Variants in BRWD3 observed in about 807,000 individuals in gnomAD.
BRWD3 encodes the protein bromodomain and WD repeat domain containing 3.
A neutral mutation model predicts 149.7 loss-of-function variants in BRWD3; 10 were observed. The ratio of observed to expected loss-of-function variants is 0.07; its 90% CI spans 0.04 to 0.11. BRWD3 has a LOEUF of 0.11. BRWD3 is among the 10% of genes least tolerant of loss of function. The pLI is 1.00. For synonymous variants in BRWD3, 504 were observed against 456.7 expected, an observed-to-expected ratio of 1.10 and a Z score of -1.32; for missense variants, 940 against 1,373.2, an observed-to-expected ratio of 0.68 and a Z score of 4.99.
intron 20 of BRWD3, among the ~76,000 whole-genome samples, chrX:80,711,686 C>G (rs1450971726): frequency 8.9e-6 from 1 of 112,244 alleles, no homozygotes; most frequent in Non-Finnish European, 1.9e-5. Flanking sequence ...AATTCCTTAT[C>G]TAAACCCAGA....
intron 6 of BRWD3, among the ~76,000 whole-genome samples, chrX:80,753,910 T>C (rs1016064027): frequency 8.9e-6 from 1 of 111,842 alleles, no homozygotes; most frequent in African/African-American, 3.2e-5. Flanking sequence ...TACAATGCTG[T>C]TTTGGTTACT....
At chrX:80,738,800 A>G (rs1391512072) in intron 8 of BRWD3, among the ~76,000 whole-genome samples, 1 of 111,932 alleles carries the variant, frequency 8.9e-6, no homozygotes, top group African/African-American at 3.3e-5. Context: ...AAAGGCAGCC[A>G]TGTACCTAGA....
At chrX:80,706,739 T>C (rs1354369598) in intron 22 of BRWD3, among the ~76,000 whole-genome samples, 1 of 112,639 alleles carries the variant, frequency 8.9e-6, no homozygotes, top group Non-Finnish European at 1.9e-5. Flanking sequence ...CAATAAAAAG[T>C]ATAGCATAAA....
At position 80,677,215 on chromosome X, in the gene BRWD3, T is replaced by G; in HGVS notation, c.4803A>C (p.Leu1601Phe). 1 of 1,210,356 alleles carries G rather than the reference T, an allele frequency of 8.3e-7. No homozygotes were observed. The highest frequency in any genetic ancestry group is 2.3e-4 in the Middle Eastern group (1 of 4,348). Reference sequence around the variant, plus strand: ...CTAACTCTCCACTCTCTGAGGTGGATAAATGAGATTTCTCTTTTGTTTCTT... The same window carrying G: ...CTAACTCTCCACTCTCTGAGGTGGAGAAATGAGATTTCTCTTTTGTTTCTT... ...EKKETKEKSH[L>F]STSESGELGS... The change falls in exon 41 of 41, where the codon TTA (leucine) becomes TTC (phenylalanine). Residue 1601 changes from leucine to phenylalanine, a missense_variant. This residue lies in a region of BRWD3 where 349 missense variants were observed against 419.6 expected (regional missense o/e 0.83). Coordinates refer to ENST00000373275, the MANE Select transcript of BRWD3 (RefSeq NM_153252.5).
intron 21 of BRWD3, among the ~76,000 whole-genome samples, chrX:80,708,117 C>T (rs2072895542): frequency 8.9e-6 from 1 of 112,250 alleles, no homozygotes; most frequent in African/African-American, 3.2e-5. Flanking sequence ...AGCATCAGGT[C>T]AGGTGCAGTG....
intron 6 of BRWD3, among the ~76,000 whole-genome samples, chrX:80,781,954 G>A (rs958183096): frequency 2.7e-5 from 3 of 111,523 alleles, no homozygotes; most frequent in Non-Finnish European, 3.8e-5. Context: ...CAGATTCAAC[G>A]CAATCCCGAT....
At chrX:80,744,000 A>G in intron 8 of BRWD3, 32 bp downstream of exon 8, 1 of 1,110,490 alleles carries the variant, frequency 9.0e-7, no homozygotes, top group South Asian at 1.8e-5. Context: ...TTTTTTACAT[A>G]TGTTCAAGCT....
At chrX:80,747,203 G>A (rs1015371453) in intron 6 of BRWD3, among the ~76,000 whole-genome samples, 1 of 109,270 alleles carries the variant, frequency 9.2e-6, no homozygotes, top group Non-Finnish European at 1.9e-5. Context: ...ACTTCTGCTT[G>A]GCTTTTGTCT....
chrX:80,686,698 C>T (rs1327113957), intron 35 of BRWD3, among the ~76,000 whole-genome samples, 165 bp downstream of exon 35: 1 of 111,124 alleles, frequency 9.0e-6, no homozygotes, highest in Non-Finnish European at 1.9e-5. Context: ...GACACAATTA[C>T]ATTTTTTTAA....
Position 80,730,808 on chromosome X carries a change from AAATTG to A in BRWD3, c.1128-793_1128-789del, listed in dbSNP as rs567373184. ...ACACTTCAATATTTTCTACTACAAA[AAATTG>A]AATTGAACTACATATGTTTTTCCCT... On this transcript the variant is annotated intron_variant, in intron 12 of 40. Transcript: ENST00000373275. Among the ~76,000 whole-genome samples, 488 of 112,300 alleles carry A rather than the reference AAATTG, an allele frequency of 4.3e-3. 2 individuals carry two copies. Among genetic ancestry groups the A allele is most frequent in the South Asian group, 0.012 (33 of 2,729 alleles).
intron 23 of BRWD3, among the ~76,000 whole-genome samples, 175 bp downstream of exon 23, chrX:80,704,503 T>C (rs1444380499): frequency 1.8e-5 from 2 of 112,346 alleles, no homozygotes; most frequent in African/African-American, 6.5e-5. Context: ...CCTCTACCTT[T>C]GATAACAGAA....
chrX:80,731,549 G>A (rs1028477218), intron 12 of BRWD3, among the ~76,000 whole-genome samples: 1 of 111,042 alleles, frequency 9.0e-6, no homozygotes, highest in African/African-American at 3.3e-5. Context: ...CTCTATCACT[G>A]TAATTATTTG....
chrX:80,685,277 G>A (rs1476009990), intron 36 of BRWD3, among the ~76,000 whole-genome samples, 185 bp downstream of exon 36: 1 of 111,614 alleles, frequency 9.0e-6, no homozygotes, highest in East Asian at 2.8e-4. Context: ...ACAAAGAACA[G>A]TCTTGAGAAC....
intron 4 of BRWD3, among the ~76,000 whole-genome samples, chrX:80,799,245 A>C (rs764839300): frequency 1.8e-5 from 2 of 112,026 alleles, no homozygotes. Context: ...ATAATTAGTT[A>C]AAAGAAATCC....
intron 6 of BRWD3, chrX:80,746,968 G>C (rs1291464407): frequency 4.0e-6 from 1 of 250,738 alleles, no homozygotes; most frequent in Admixed American, 9.4e-5. Context: ...GACCTGAGTA[G>C]TTATGTAATA....
chrX:80,676,871 G>A lies in BRWD3; in HGVS notation c.5147C>T (p.Ala1716Val). 8.3e-7 allele frequency: 1 copy of A among 1,210,272 alleles called. No individual in the cohort carries two copies. The highest frequency in any genetic ancestry group is 1.1e-6 in the Non-Finnish European group (1 of 894,883). ...TTTGGCTCTGGTAGCTCCTCTAGAA[G>A]CACCTCTTCCTCCTCTCCCTCTTCC... The part of the protein sequence containing the change: ...GRGRGRGGRG[A>V]SRGATRAKRA... Residue 1716 changes from alanine (A) to valine (V), a missense_variant, in exon 41 of 41, where the codon GCT (alanine) becomes GTT (valine). By Grantham distance (64) the Ala-to-Val change is moderately conservative. Coordinates refer to ENST00000373275, the MANE Select transcript of BRWD3 (RefSeq NM_153252.5).
intron 6 of BRWD3, among the ~76,000 whole-genome samples, chrX:80,754,939 C>T (rs192969259): frequency 1.4e-4 from 16 of 111,103 alleles, no homozygotes; most frequent in East Asian, 2.8e-4. Context: ...ACCCAGAAGG[C>T]GGAGGTTGCA....
chrX:80,725,090 C>T (rs749655558), intron 14 of BRWD3, 23 bp from the exon 15 acceptor site: 2 of 1,199,768 alleles, frequency 1.7e-6, no homozygotes, highest in East Asian at 3.0e-5. Flanking sequence ...TCAGTATTAA[C>T]AATGAAAGCA....
intron 8 of BRWD3, among the ~76,000 whole-genome samples, chrX:80,743,144 T>C (rs192196329): frequency 3.1e-3 from 352 of 111,992 alleles, no homozygotes; most frequent in Admixed American, 7.5e-3. Flanking sequence ...TCTGCATCTA[T>C]TGAGATAATC....
Sources: gnomAD v4.1 joint callset for allele counts (sites outside exome capture counted in the v4.1 genomes callset) on GRCh38, gnomAD v4.1.1 for gene constraint, gnomAD v4.1.1 regional missense constraint, MANE v1.5 for transcripts, NCBI Gene and HGNC (gene_info 2026-07-23, HGNC 2026-07-21) for gene names.